Variants in BBS9 observed in about 807,000 individuals in gnomAD.
BBS9 encodes protein PTHB1.
A neutral mutation model predicts 117.7 loss-of-function variants in BBS9; 89 were observed. That is an observed-to-expected ratio of 0.76 (90% confidence interval 0.64 to 0.90). The LOEUF is 0.90. Ranked by LOEUF, BBS9 falls within the 40% of genes least tolerant of loss-of-function variation. BBS9 has a pLI of 0.00. For missense variants in BBS9, 982 were observed against 1,042.2 expected (o/e 0.94, Z 0.80); for synonymous variants, 379 against 370.9 (o/e 1.02, Z -0.25).
chr7:33,576,684 G>A (rs1382853942), intron 21 of BBS9, among the ~76,000 whole-genome samples: 1 of 152,142 alleles, frequency 6.6e-6, no homozygotes, highest in Non-Finnish European at 1.5e-5. Context: ...AACCAAAACA[G>A]CATGATACTG....
chr7:33,499,762 A>G (rs1845193318), intron 19 of BBS9, among the ~76,000 whole-genome samples: 1 of 152,234 alleles, frequency 6.6e-6, no homozygotes, highest in Admixed American at 6.5e-5. Flanking sequence ...GAGCAATAAT[A>G]GTATATACCT....
downstream of BBS9, among the ~76,000 whole-genome samples, chr7:33,606,703 C>T (rs550477004): frequency 6.6e-6 from 1 of 152,028 alleles, no homozygotes. Context: ...TAAACTCAGA[C>T]CCCAACCCTT....
At chr7:33,394,835 A>G (rs976824243) in intron 19 of BBS9, among the ~76,000 whole-genome samples, 1 of 152,180 alleles carries the variant, frequency 6.6e-6, no homozygotes, top group African/African-American at 2.4e-5. Context: ...AATTTTATTT[A>G]TTACTTCATT....
chr7:33,440,601 G>T (rs1584838060), intron 19 of BBS9, among the ~76,000 whole-genome samples: 1 of 152,220 alleles, frequency 6.6e-6, no homozygotes, highest in East Asian at 1.9e-4. Flanking sequence ...AAAGGTTTGA[G>T]GTCAAGAAAG....
chr7:33,237,583 C>T (rs1034487056), intron 5 of BBS9, among the ~76,000 whole-genome samples: 6 of 151,902 alleles, frequency 3.9e-5, no homozygotes, highest in Non-Finnish European at 7.4e-5. Flanking sequence ...AGGCAGTTGG[C>T]TAAATATTCT....
chr7:33,577,353 T>A (rs1207185144), intron 21 of BBS9, among the ~76,000 whole-genome samples: 1 of 152,196 alleles, frequency 6.6e-6, no homozygotes, highest in Non-Finnish European at 1.5e-5. Flanking sequence ...CACAATGATA[T>A]ACCATCTCAC....
At chr7:33,561,698 G>C (rs549452900) in intron 21 of BBS9, among the ~76,000 whole-genome samples, 1 of 148,712 alleles carries the variant, frequency 6.7e-6, no homozygotes, top group East Asian at 1.9e-4. Flanking sequence ...ACTAGAACAA[G>C]AGAAAAGAAG....
At chr7:33,544,819 G>A (rs1346584638) in intron 21 of BBS9, among the ~76,000 whole-genome samples, 1 of 152,130 alleles carries the variant, frequency 6.6e-6, no homozygotes, top group African/African-American at 2.4e-5. Flanking sequence ...ACAGGTCGGG[G>A]TGGGACTAGG....
chr7:33,218,613 GCTT>G (rs1789530412), intron 5 of BBS9, among the ~76,000 whole-genome samples: 1 of 152,204 alleles, frequency 6.6e-6, no homozygotes, highest in Admixed American at 6.5e-5. Context: ...TTTACCACGG[GCTT>G]CTTCTGTGAA....
At chr7:33,387,378 G>A (rs1205688524) in intron 18 of BBS9, among the ~76,000 whole-genome samples, 2 of 152,066 alleles carry the variant, frequency 1.3e-5, no homozygotes, top group Non-Finnish European at 2.9e-5. Flanking sequence ...TTTTCTCATT[G>A]ATTTGTAGAT....
At chr7:33,379,128 G>A (rs1024111911) in intron 17 of BBS9, among the ~76,000 whole-genome samples, 2 of 152,124 alleles carry the variant, frequency 1.3e-5, no homozygotes, top group African/African-American at 2.4e-5. Flanking sequence ...TACGTTCCTC[G>A]TCTGTGTTTT....
intron 19 of BBS9, among the ~76,000 whole-genome samples, chr7:33,478,836 C>T (rs954968902): frequency 1.4e-5 from 2 of 147,138 alleles, no homozygotes; most frequent in Non-Finnish European, 3.0e-5. Flanking sequence ...ATAGTTTGTT[C>T]TCCCAAATAG....
Position 33,405,530 on chromosome 7 carries a change from T to C in BBS9, c.2115+17386T>C, listed in dbSNP as rs376159521. On this transcript the variant is annotated intron_variant, in intron 19 of 22. Coordinates refer to ENST00000242067, the MANE Select transcript of BBS9 (RefSeq NM_198428.3). ...ATTGCCACAATTTCAGAGCCTGTTA[T>C]TGGTCTATTCAGAGATTCAACTTCT... Among the ~76,000 whole-genome samples the C allele has an allele frequency of 9.8e-5, 15 of 152,338 alleles. No homozygotes were observed. In the East Asian group the frequency reaches 2.1e-3, roughly 22 times the overall value.
chr7:33,505,372 C>G (rs1325538082), intron 19 of BBS9, 91 bp from the exon 20 acceptor site: 1 of 1,271,740 alleles, frequency 7.9e-7, no homozygotes, highest in Non-Finnish European at 1.1e-6. Flanking sequence ...ATCAAGTTGT[C>G]TTGAAGAAAA....
chr7:33,303,705 C>T (rs977787215), intron 9 of BBS9, among the ~76,000 whole-genome samples: 10 of 152,012 alleles, frequency 6.6e-5, no homozygotes, highest in African/African-American at 1.7e-4. Flanking sequence ...GACGGGGTTT[C>T]GCCGTGTTGA....
chr7:33,532,731 T>C (rs912013683), intron 20 of BBS9, among the ~76,000 whole-genome samples: 5 of 152,130 alleles, frequency 3.3e-5, no homozygotes, highest in Non-Finnish European at 5.9e-5. Context: ...GGGAGTAACC[T>C]TATCTGATTT....
At chr7:33,610,003 G>T (rs1864776390), downstream of BBS9, among the ~76,000 whole-genome samples, 1 of 152,042 alleles carries the variant, frequency 6.6e-6, no homozygotes, top group Non-Finnish European at 1.5e-5. Flanking sequence ...ACAGGCAGAA[G>T]AGACAGTAGT....
chr7:33,345,538 C>T (rs1480021885), intron 12 of BBS9, among the ~76,000 whole-genome samples: 3 of 152,118 alleles, frequency 2.0e-5, no homozygotes, highest in African/African-American at 7.2e-5. Context: ...TTTGGTCGAA[C>T]TTGAAGGGAG....
intron 19 of BBS9, among the ~76,000 whole-genome samples, chr7:33,462,281 T>C: frequency 6.6e-6 from 1 of 152,094 alleles, no homozygotes; most frequent in Non-Finnish European, 1.5e-5. Flanking sequence ...CCAGATATAT[T>C]TACATTTGAA....
Sources: gnomAD v4.1 joint callset for allele counts (sites outside exome capture counted in the v4.1 genomes callset) on GRCh38, gnomAD v4.1.1 for gene constraint, MANE v1.5 for transcripts, NCBI Gene and HGNC (gene_info 2026-07-23, HGNC 2026-07-21) for gene names.